Variants in ARHGAP15 observed in about 807,000 individuals in gnomAD.
ARHGAP15 encodes the protein rho GTPase-activating protein 15.
A neutral mutation model predicts 63.7 loss-of-function variants in ARHGAP15; 51 were observed. The ratio of observed to expected loss-of-function variants is 0.80; its 90% CI spans 0.64 to 1.01. The LOEUF (loss-of-function observed/expected upper bound fraction) is 1.01. Among genes scored for constraint, ARHGAP15 ranks in the 50% least tolerant of loss-of-function variants. The pLI, the probability that ARHGAP15 is intolerant of heterozygous loss-of-function variation, is 0.00. For missense variants in ARHGAP15, 560 were observed against 564.6 expected, an observed-to-expected ratio of 0.99 and a Z score of 0.08; for synonymous variants, 191 against 193.8, an observed-to-expected ratio of 0.99 and a Z score of 0.12.
intron 11 of ARHGAP15, among the ~76,000 whole-genome samples, chr2:143,605,612 A>T (rs984924844): frequency 2.6e-5 from 4 of 152,066 alleles, no homozygotes; most frequent in Non-Finnish European, 4.4e-5. Context: ...ATGCCAAGGT[A>T]TGCTGCCTCA....
At chr2:143,407,499 T>C (rs1688249369) in intron 6 of ARHGAP15, among the ~76,000 whole-genome samples, 1 of 151,810 alleles carries the variant, frequency 6.6e-6, no homozygotes, top group Non-Finnish European at 1.5e-5. Flanking sequence ...CTGAGCATGC[T>C]TTTTCACTCC....
At chr2:143,508,656 G>T (rs921301426) in intron 9 of ARHGAP15, among the ~76,000 whole-genome samples, 1 of 152,142 alleles carries the variant, frequency 6.6e-6, no homozygotes, top group Non-Finnish European at 1.5e-5. Flanking sequence ...ATAAGCAGAG[G>T]GTGGGAGAGA....
chr2:143,134,863 T>A (rs1689074225), intron 1 of ARHGAP15, among the ~76,000 whole-genome samples: 2 of 152,106 alleles, frequency 1.3e-5, no homozygotes, highest in Admixed American at 6.6e-5. Context: ...GGTGTCGATC[T>A]CCTGACCTCG....
chr2:143,531,081 C>T (rs1473813256), intron 10 of ARHGAP15, among the ~76,000 whole-genome samples: 2 of 151,194 alleles, frequency 1.3e-5, no homozygotes, highest in Non-Finnish European at 2.9e-5. Context: ...AGAGACTACA[C>T]TTTGGCATAT....
chr2:143,463,121 A>G (rs1350182579), intron 8 of ARHGAP15, among the ~76,000 whole-genome samples: 1 of 152,058 alleles, frequency 6.6e-6, no homozygotes, highest in African/African-American at 2.4e-5. Context: ...GTGTTAGTGT[A>G]TTTTATGTGT....
chr2:143,667,488 T>G (rs1682274246), intron 12 of ARHGAP15, among the ~76,000 whole-genome samples: 2 of 147,360 alleles, frequency 1.4e-5, no homozygotes, highest in South Asian at 4.4e-4. Flanking sequence ...AGTTAGTGGG[T>G]GCAGCGCACC....
chr2:143,616,022 T>C (rs943050136), intron 11 of ARHGAP15, among the ~76,000 whole-genome samples: 2 of 152,188 alleles, frequency 1.3e-5, no homozygotes, highest in African/African-American at 2.4e-5. Flanking sequence ...TCAATTTTTT[T>C]TTATGATCCT....
intron 10 of ARHGAP15, chr2:143,533,321 T>G (rs1694602366): frequency 6.6e-6 from 1 of 152,194 alleles, no homozygotes; most frequent in African/African-American, 2.4e-5. Context: ...ACCTGTTCAT[T>G]TAATTTCTCA....
chr2:143,310,185 C>G (rs577101511), intron 6 of ARHGAP15, among the ~76,000 whole-genome samples: 1 of 152,042 alleles, frequency 6.6e-6, no homozygotes, highest in South Asian at 2.1e-4. Flanking sequence ...TTTTTGTTTA[C>G]AGTATTACTG....
intron 11 of ARHGAP15, among the ~76,000 whole-genome samples, chr2:143,558,959 C>G (rs994501806): frequency 2.0e-5 from 3 of 152,136 alleles, no homozygotes; most frequent in Non-Finnish European, 4.4e-5. Context: ...CTGGGCAAAA[C>G]ACAGAACTAA....
At chr2:143,697,229 A>T (rs914253621) in intron 12 of ARHGAP15, among the ~76,000 whole-genome samples, 1 of 152,188 alleles carries the variant, frequency 6.6e-6, no homozygotes, top group Non-Finnish European at 1.5e-5. Context: ...TTAGGAAAGC[A>T]TACTAAATAG....
At chr2:143,239,939 C>A (rs960500416) in intron 5 of ARHGAP15, among the ~76,000 whole-genome samples, 1 of 137,268 alleles carries the variant, frequency 7.3e-6, no homozygotes, top group African/African-American at 2.8e-5. Flanking sequence ...TGCAGTGAGC[C>A]GAGATCCCAT....
intron 13 of ARHGAP15, among the ~76,000 whole-genome samples, chr2:143,714,534 G>GA (rs1684723392): frequency 6.6e-6 from 1 of 152,194 alleles, no homozygotes; most frequent in Non-Finnish European, 1.5e-5. Context: ...TTTCTCCCCA[G>GA]AAAATGGGTT....
chr2:143,522,992 A>G (rs1694119226), intron 10 of ARHGAP15, among the ~76,000 whole-genome samples: 2 of 152,168 alleles, frequency 1.3e-5, no homozygotes, highest in African/African-American at 4.8e-5. Flanking sequence ...TATATTTTAA[A>G]CTGGTATAAC....
Position 143,590,903 on chromosome 2 carries a change from C to T in ARHGAP15, c.1004-33230C>T, listed in dbSNP as rs541284179. On this transcript the variant is annotated intron_variant, in intron 11 of 13. Coordinates refer to ENST00000295095, the MANE Select transcript of ARHGAP15 (RefSeq NM_018460.4). ...ATCAAGTGGTGAGTATTCTTGTTGC[C>T]GCTGCTTCAAAGACTTAGTAATTAA... Among the ~76,000 whole-genome samples, 6 of 151,918 alleles carry T rather than the reference C, an allele frequency of 3.9e-5. No homozygotes were observed. The South Asian group carries it at 8.3e-4, about 21-fold the overall frequency.
chr2:143,285,032 C>T (rs1008381179), intron 6 of ARHGAP15, among the ~76,000 whole-genome samples: 11 of 152,210 alleles, frequency 7.2e-5, no homozygotes, highest in Non-Finnish European at 1.3e-4. Context: ...GAGCCAAAGA[C>T]ATACACCAGT....
At chr2:143,509,377 T>C (rs1693475758) in intron 9 of ARHGAP15, among the ~76,000 whole-genome samples, 1 of 151,860 alleles carries the variant, frequency 6.6e-6, no homozygotes, top group Admixed American at 6.6e-5. Flanking sequence ...AGAGGTTTAC[T>C]TCCAGTGCAT....
intron 11 of ARHGAP15, among the ~76,000 whole-genome samples, chr2:143,623,007 A>G (rs1244605212): frequency 3.3e-5 from 5 of 152,188 alleles, no homozygotes. Context: ...ACAAATTTTC[A>G]GTTGACCAAA....
At chr2:143,545,668 TA>T (rs1240355184) in intron 10 of ARHGAP15, among the ~76,000 whole-genome samples, 1 of 152,004 alleles carries the variant, frequency 6.6e-6, no homozygotes, top group East Asian at 1.9e-4. Context: ...TAAATATATT[TA>T]TATAATATTT....
Sources: allele counts gnomAD v4.1 joint callset (sites outside exome capture counted in the v4.1 genomes callset), GRCh38; gene constraint gnomAD v4.1.1; transcripts MANE v1.5; gene names NCBI Gene and HGNC (gene_info 2026-07-23, HGNC 2026-07-21).